The following DOCK1 variants were observed in gnomAD, a reference collection of about 807,000 sequenced individuals.
DOCK1 encodes the protein dedicator of cytokinesis 1.
DOCK1 carries 138 observed loss-of-function variants against 262.7 expected under a neutral mutation model. The observed-to-expected ratio is 0.53, with a 90% CI of 0.46 to 0.61. DOCK1 has a LOEUF of 0.61. Among genes scored for constraint, DOCK1 ranks in the 20% least tolerant of loss-of-function variants. The pLI, the probability that DOCK1 is intolerant of heterozygous loss-of-function variation, is 0.00. For synonymous variants in DOCK1, 866 were observed against 867.4 expected, an observed-to-expected ratio of 1.00 and a Z score of 0.03; for missense variants, 1,908 against 2,370.7, an observed-to-expected ratio of 0.80 and a Z score of 4.05.
intron 38 of DOCK1, among the ~76,000 whole-genome samples, chr10:127,387,858 CT>C (rs5788840): frequency 0.31 from 45,356 of 147,668 alleles, 7,160 homozygotes; most frequent in Admixed American, 0.46. Context: ...AAAACAGAGT[CT>C]TTTTTTTTTT....
intron 27 of DOCK1, among the ~76,000 whole-genome samples, chr10:127,208,101 T>C (rs2057805682): frequency 1.3e-5 from 2 of 152,234 alleles, no homozygotes; most frequent in Non-Finnish European, 2.9e-5. Context: ...AAGGGGCCAT[T>C]CATCTGTTAG....
intron 38 of DOCK1, chr10:127,402,774 C>A (rs760156345): frequency 1.7e-5 from 10 of 581,054 alleles, no homozygotes; most frequent in Non-Finnish European, 3.0e-5. Flanking sequence ...AGAGCAAAGA[C>A]AGGAGCAGTG....
chr10:126,989,147 G>C (rs1407667436), intron 5 of DOCK1, among the ~76,000 whole-genome samples: 2 of 151,548 alleles, frequency 1.3e-5, no homozygotes, highest in African/African-American at 2.4e-5. Flanking sequence ...TTAGATAGTT[G>C]ATACAGCCTT....
At chr10:126,955,159 C>T (rs1253514863) in intron 1 of DOCK1, among the ~76,000 whole-genome samples, 1 of 152,190 alleles carries the variant, frequency 6.6e-6, no homozygotes, top group Non-Finnish European at 1.5e-5. Context: ...TGGAGTCTTG[C>T]TCTGTTGCCC....
intron 29 of DOCK1, among the ~76,000 whole-genome samples, chr10:127,338,759 G>A (rs1362140353): frequency 2.6e-5 from 4 of 151,594 alleles, no homozygotes; most frequent in Admixed American, 6.6e-5. Flanking sequence ...CTTTTCAAAT[G>A]TTACTTTCAG....
intron 29 of DOCK1, among the ~76,000 whole-genome samples, chr10:127,261,413 G>A (rs2060105551): frequency 7.0e-6 from 1 of 142,970 alleles, no homozygotes; most frequent in African/African-American, 2.7e-5. Flanking sequence ...ATGTGGGTGT[G>A]TGTGTACCCA....
chr10:127,330,538 C>T (rs1484948664), intron 29 of DOCK1, among the ~76,000 whole-genome samples: 1 of 152,136 alleles, frequency 6.6e-6, no homozygotes, highest in Non-Finnish European at 1.5e-5. Flanking sequence ...TCCTCTAAAA[C>T]TTTAAAATAG....
intron 47 of DOCK1, among the ~76,000 whole-genome samples, chr10:127,427,047 AC>A (rs1334401341): frequency 1.3e-5 from 2 of 152,002 alleles, no homozygotes; most frequent in African/African-American, 4.8e-5. Flanking sequence ...TGCTGGGCCT[AC>A]CCTGCCTGCT....
At chr10:127,322,441 C>A (rs1262834921) in intron 29 of DOCK1, among the ~76,000 whole-genome samples, 1 of 152,078 alleles carries the variant, frequency 6.6e-6, no homozygotes, top group Non-Finnish European at 1.5e-5. Flanking sequence ...CCACCCATCT[C>A]AGCCTCCCAA....
intron 27 of DOCK1, among the ~76,000 whole-genome samples, chr10:127,223,989 C>T (rs2058539926): frequency 6.6e-6 from 1 of 152,170 alleles, no homozygotes; most frequent in African/African-American, 2.4e-5. Context: ...GCCATGATAA[C>T]TCTGGTGTTT....
At chr10:126,998,581 G>C (rs1286383452) in intron 8 of DOCK1, 1 of 200,004 alleles carries the variant, frequency 5.0e-6, no homozygotes, top group Non-Finnish European at 1.0e-5. Context: ...TATATATCCT[G>C]GTCCCTCAAA....
Position 127,321,145 on chromosome 10 carries a change from C to T in DOCK1, c.3045-17861C>T, listed in dbSNP as rs78846508. On this transcript the variant is annotated intron_variant, in intron 29 of 51. Coordinates refer to ENST00000623213, the MANE Select transcript of DOCK1 (RefSeq NM_001290223.2). ...TCTTGTCCAGTAGCTTCCATGACCC[C>T]GCGTCTTGCGCTGTTTCCCTCTGGC... 1.4e-3 allele frequency among the ~76,000 whole-genome samples: 212 copies of T among 152,114 alleles called. 1 individual carries two copies. The highest frequency in any genetic ancestry group is 4.6e-3 in the African/African-American group (190 of 41,508).
chr10:126,990,147 G>A (rs2039690082), intron 5 of DOCK1, among the ~76,000 whole-genome samples: 1 of 152,204 alleles, frequency 6.6e-6, no homozygotes, highest in African/African-American at 2.4e-5. Context: ...TCACGAGCAG[G>A]TGTTGACGCT....
At chr10:127,063,273 G>A (rs1591859002) in intron 23 of DOCK1, among the ~76,000 whole-genome samples, 1 of 152,086 alleles carries the variant, frequency 6.6e-6, no homozygotes, top group South Asian at 2.1e-4. Flanking sequence ...AAAATATTTT[G>A]GTCAAGTCGC....
chr10:127,327,908 A>T (rs947619259), intron 29 of DOCK1, among the ~76,000 whole-genome samples: 12 of 152,076 alleles, frequency 7.9e-5, no homozygotes, highest in Non-Finnish European at 1.5e-5. Context: ...TATGACCTTG[A>T]GGCTCCTGCT....
At chr10:127,185,159 A>AT (rs2056112054) in intron 27 of DOCK1, among the ~76,000 whole-genome samples, 1 of 152,162 alleles carries the variant, frequency 6.6e-6, no homozygotes, top group Admixed American at 6.5e-5. Flanking sequence ...TAACACAAAT[A>AT]TAAGTGTTCT....
At chr10:127,196,757 G>A (rs1434475204) in intron 27 of DOCK1, among the ~76,000 whole-genome samples, 4 of 147,646 alleles carry the variant, frequency 2.7e-5, no homozygotes, top group Admixed American at 6.7e-5. Context: ...AGCTGCCGCC[G>A]GCTGCCGCCG....
chr10:127,195,133 AC>A (rs1186890274), intron 27 of DOCK1, among the ~76,000 whole-genome samples: 1 of 152,200 alleles, frequency 6.6e-6, no homozygotes, highest in East Asian at 1.9e-4. Context: ...TGCTGAGGTC[AC>A]AGGGAGCGGC....
chr10:127,336,109 TCC>T (rs1309975258), intron 29 of DOCK1, among the ~76,000 whole-genome samples: 1 of 152,016 alleles, frequency 6.6e-6, no homozygotes, highest in Non-Finnish European at 1.5e-5. Flanking sequence ...CGCCTCAGCC[TCC>T]CACACCACAC....
Sources: gnomAD v4.1 joint callset for allele counts (sites outside exome capture counted in the v4.1 genomes callset) on GRCh38, gnomAD v4.1.1 for gene constraint, MANE v1.5 for transcripts, NCBI Gene and HGNC (gene_info 2026-07-23, HGNC 2026-07-21) for gene names.